HMGXB4: variants seen among roughly 807,000 people sequenced by gnomAD.
HMGXB4 encodes HMG-box containing 4.
In HMGXB4, 27 loss-of-function variants were observed where a neutral mutation model predicts 63.9. The observed-to-expected ratio is 0.42, with a 90% CI of 0.31 to 0.58. The LOEUF (loss-of-function observed/expected upper bound fraction) is 0.58, where lower values mean the gene tolerates loss of function less well. HMGXB4 is among the 20% of genes least tolerant of loss of function. The probability of loss-of-function intolerance (pLI) is 0.13; values close to 1 mark genes in which losing one functional copy is unlikely to be tolerated. For synonymous variants in HMGXB4, 264 were observed against 265.3 expected (o/e 0.99, Z 0.05); for missense variants, 624 against 700.7 (o/e 0.89, Z 1.24).
rs1021283621 is a variant in HMGXB4, at chr22:35,263,285, G to T, written c.180+59G>T. 17 of 1,409,212 alleles carry T rather than the reference G, an allele frequency of 1.2e-5. No homozygotes were observed. In the African/African-American group the frequency reaches 1.8e-4, roughly 15 times the overall value. The allele number at this position is 1,409,212 out of a possible 1,614,324, so 87.3% of individuals were successfully genotyped here. On this transcript the variant is annotated intron_variant, in intron 3 of 10. Transcript: ENST00000216106. The stretch of plus-strand genomic sequence containing the variant: ...AAACTACTCATTTTTTTTTGGTGAT[G>T]CAGAGTTTTTTTTTGTTTTTTTTTT...
intron 6 of HMGXB4, 22 bp downstream of exon 6, chr22:35,284,065 A>G (rs1381837325): frequency 4.5e-6 from 7 of 1,543,334 alleles, no homozygotes; most frequent in Non-Finnish European, 9.0e-7. Context: ...ACTGATCTGT[A>G]GCGCTTTTGC....
intron 5 of HMGXB4, among the ~76,000 whole-genome samples, chr22:35,283,582 G>C (rs969323759): frequency 6.6e-6 from 1 of 152,138 alleles, no homozygotes; most frequent in African/African-American, 2.4e-5. Flanking sequence ...CTGAGGTCAG[G>C]AGTTCGAGAC....
intron 6 of HMGXB4, 32 bp from the exon 7 acceptor site, chr22:35,285,965 A>G: frequency 6.6e-7 from 1 of 1,517,934 alleles, no homozygotes; most frequent in South Asian, 1.2e-5. Flanking sequence ...CTAACCCTTT[A>G]CTGTATTGAG....
chr22:35,289,026 G>A (rs944583945), intron 9 of HMGXB4, among the ~76,000 whole-genome samples: 8 of 152,170 alleles, frequency 5.3e-5, no homozygotes, highest in Non-Finnish European at 8.8e-5. Flanking sequence ...TGTGGTCCCA[G>A]CTACTCGGGA....
chr22:35,269,515 A>G (rs1005603261), intron 5 of HMGXB4, among the ~76,000 whole-genome samples: 1 of 152,210 alleles, frequency 6.6e-6, no homozygotes, highest in Non-Finnish European at 1.5e-5. Flanking sequence ...CTTAATAAGC[A>G]CTTTGTAAGT....
the HMGXB4 span, among the ~76,000 whole-genome samples, chr22:35,244,844 C>G: frequency 6.6e-6 from 1 of 152,192 alleles, no homozygotes; most frequent in Admixed American, 6.5e-5. Context: ...GTTCAGTATA[C>G]TCTCGTAACA....
the HMGXB4 span, among the ~76,000 whole-genome samples, chr22:35,252,202 G>A: frequency 2.6e-5 from 4 of 152,160 alleles, no homozygotes; most frequent in African/African-American, 9.7e-5. Flanking sequence ...GCGGCCGAGA[G>A]AGACTCTGTC....
intron 5 of HMGXB4, among the ~76,000 whole-genome samples, chr22:35,279,994 T>C (rs1489108110): frequency 2.6e-5 from 4 of 152,212 alleles, no homozygotes; most frequent in African/African-American, 9.6e-5. Context: ...ATAAAAACTT[T>C]AGAATCAGTT....
the HMGXB4 span, among the ~76,000 whole-genome samples, chr22:35,241,648 G>A: frequency 6.6e-6 from 1 of 152,148 alleles, no homozygotes; most frequent in Non-Finnish European, 1.5e-5. Flanking sequence ...TCTCTAACTT[G>A]ACTCAGCTCC....
rs370164510 is a variant in HMGXB4 at position 35,272,865 on chromosome 22, C to T, written c.1215+7262C>T. 3.8e-4 allele frequency among the ~76,000 whole-genome samples: 58 copies of T among 152,284 alleles called. No homozygotes were observed. In the South Asian group the frequency reaches 6.4e-3, roughly 17 times the overall value. ...AGGAGAATCGCTTGAACCCGGGAGGCGGAGGTTGCAGTGAGCCAAGATCAC... is the reference window on the plus strand; with the variant it reads ...AGGAGAATCGCTTGAACCCGGGAGGTGGAGGTTGCAGTGAGCCAAGATCAC... On this transcript the variant is annotated intron_variant, in intron 5 of 10. Transcript: ENST00000216106.
chr22:35,261,990 TA>T (rs1420363722), intron 1 of HMGXB4: 1 of 185,944 alleles, frequency 5.4e-6, no homozygotes. Flanking sequence ...CCCTCTAACT[TA>T]ATGTTGGTTT....
intron 5 of HMGXB4, among the ~76,000 whole-genome samples, chr22:35,267,482 A>G (rs1050489859): frequency 2.0e-5 from 3 of 152,194 alleles, no homozygotes; most frequent in African/African-American, 7.2e-5. Flanking sequence ...AAGTGGACGC[A>G]TGGAGGCAGA....
chr22:35,276,952 C>G (rs1452446653), intron 5 of HMGXB4, among the ~76,000 whole-genome samples: 1 of 152,190 alleles, frequency 6.6e-6, no homozygotes, highest in Non-Finnish European at 1.5e-5. Flanking sequence ...TTGGGTGCCA[C>G]AACTTCTATT....
upstream of HMGXB4, among the ~76,000 whole-genome samples, chr22:35,252,886 C>A (rs972375510): frequency 2.0e-5 from 3 of 152,176 alleles, no homozygotes; most frequent in African/African-American, 7.2e-5. Flanking sequence ...CCTGTAATCC[C>A]AGCTCGGGAG....
chr22:35,285,011 TC>T (rs1483618693), intron 6 of HMGXB4, among the ~76,000 whole-genome samples: 1 of 152,252 alleles, frequency 6.6e-6, no homozygotes, highest in Non-Finnish European at 1.5e-5. Flanking sequence ...CTTCTTTGGT[TC>T]TAATCATTCA....
intron 5 of HMGXB4, among the ~76,000 whole-genome samples, chr22:35,282,378 G>T (rs59798965): frequency 1.3e-5 from 2 of 152,020 alleles, no homozygotes; most frequent in Admixed American, 6.6e-5. Context: ...GGGTTTCACC[G>T]TGTTAGCCAG....
At chr22:35,279,945 T>C (rs1302836674) in intron 5 of HMGXB4, among the ~76,000 whole-genome samples, 1 of 152,168 alleles carries the variant, frequency 6.6e-6, no homozygotes, top group African/African-American at 2.4e-5. Context: ...TTGTTCTTCA[T>C]CAATACTGCC....
At chr22:35,253,784 C>T (rs895506246), upstream of HMGXB4, among the ~76,000 whole-genome samples, 7 of 152,166 alleles carry the variant, frequency 4.6e-5, no homozygotes, top group Non-Finnish European at 1.0e-4. Flanking sequence ...AATCCCCGGA[C>T]CCAGCTGTCC....
At chr22:35,292,474 T>C (rs754125592) in intron 9 of HMGXB4, among the ~76,000 whole-genome samples, 22 of 152,204 alleles carry the variant, frequency 1.4e-4, no homozygotes, top group Non-Finnish European at 3.1e-4. Context: ...GAATCACAAA[T>C]AGACAATATG....
Sources: gnomAD v4.1 joint callset for allele counts (sites outside exome capture counted in the v4.1 genomes callset) on GRCh38, gnomAD v4.1.1 for gene constraint, MANE v1.5 for transcripts, NCBI Gene and HGNC (gene_info 2026-07-23, HGNC 2026-07-21) for gene names.